The following LRRTM3 variants were observed in gnomAD, a reference collection of about 807,000 sequenced individuals.
The protein encoded by LRRTM3 is leucine rich repeat transmembrane neuronal 3, also known as leucine-rich repeat transmembrane neuronal protein 3.
Under a neutral mutation model 44.7 loss-of-function variants are expected in LRRTM3, and 24 were observed. The observed-to-expected ratio is 0.54, with a 90% CI of 0.39 to 0.76. The LOEUF (loss-of-function observed/expected upper bound fraction) is 0.76. LRRTM3 is among the 30% of genes least tolerant of loss of function. The pLI is 0.00. For synonymous variants in LRRTM3, 277 were observed against 278.7 expected (o/e 0.99, Z 0.06); for missense variants, 587 against 702.2 (o/e 0.84, Z 1.85).
At chr10:67,079,842 C>T (rs1856954067) in intron 2 of LRRTM3, among the ~76,000 whole-genome samples, 1 of 146,628 alleles carries the variant, frequency 6.8e-6, no homozygotes, top group African/African-American at 2.5e-5. Context: ...AGCGAGACTC[C>T]ATCTCAAAAA....
chr10:67,013,607 A>G (rs2133047448), intron 2 of LRRTM3, among the ~76,000 whole-genome samples: 1 of 152,322 alleles, frequency 6.6e-6, no homozygotes, highest in South Asian at 2.1e-4. Context: ...CTATGAGTAC[A>G]GATTACTTCC....
chr10:67,005,355 A>T (rs1445084903), intron 2 of LRRTM3, among the ~76,000 whole-genome samples: 2 of 152,278 alleles, frequency 1.3e-5, no homozygotes, highest in East Asian at 3.9e-4. Flanking sequence ...AATACACTTT[A>T]TCTAAATCAC....
intron 2 of LRRTM3, among the ~76,000 whole-genome samples, chr10:67,015,996 T>C (rs946826566): frequency 6.6e-6 from 1 of 150,730 alleles, no homozygotes; most frequent in Non-Finnish European, 1.5e-5. Flanking sequence ...ACTGAACTCT[T>C]GTTCTGTTTT....
chr10:66,970,368 C>A (rs1312437815), intron 2 of LRRTM3, among the ~76,000 whole-genome samples: 1 of 152,070 alleles, frequency 6.6e-6, no homozygotes, highest in South Asian at 2.1e-4. Context: ...CATACACAGT[C>A]AGCTTCTTCT....
Position 66,926,884 on chromosome 10 carries a change from T to C in LRRTM3, c.5-37T>C, listed in dbSNP as rs756867339. The C allele has an allele frequency of 1.8e-5, 27 of 1,517,746 alleles. No individual in the cohort carries two copies. In the South Asian group the frequency reaches 3.5e-4, roughly 19 times the overall value. The allele number at this position is 1,517,746 out of a possible 1,614,324, so 94.0% of individuals were successfully genotyped here. Reference sequence around the variant, plus strand: ...GCTTGATTAAGGATTAATTCTTTTTTGGGGGGATAACTTTTCTAAGTTGTT... The same window carrying C: ...GCTTGATTAAGGATTAATTCTTTTTCGGGGGGATAACTTTTCTAAGTTGTT... On this transcript the variant is annotated intron_variant, in intron 1 of 2. Coordinates refer to ENST00000361320, the MANE Select transcript of LRRTM3 (RefSeq NM_178011.5).
chr10:67,087,547 TAA>T (rs1857374333), intron 2 of LRRTM3, among the ~76,000 whole-genome samples: 1 of 151,670 alleles, frequency 6.6e-6, no homozygotes, highest in South Asian at 2.1e-4. Context: ...TAAAATAAAA[TAA>T]AGTTTTAAAT....
At chr10:66,991,831 T>C (rs1336631806) in intron 2 of LRRTM3, among the ~76,000 whole-genome samples, 3 of 152,230 alleles carry the variant, frequency 2.0e-5, no homozygotes, top group Non-Finnish European at 4.4e-5. Flanking sequence ...TATGCCAGAA[T>C]AATATCAAAT....
chr10:67,059,824 T>C (rs943699311), intron 2 of LRRTM3, among the ~76,000 whole-genome samples: 19 of 152,194 alleles, frequency 1.2e-4, no homozygotes, highest in African/African-American at 3.6e-4. Flanking sequence ...AATGTATATT[T>C]GCATATATAA....
At chr10:66,973,653 T>C (rs1347373465) in intron 2 of LRRTM3, among the ~76,000 whole-genome samples, 2 of 152,118 alleles carry the variant, frequency 1.3e-5, no homozygotes, top group Admixed American at 6.5e-5. Flanking sequence ...CAAGACGGAG[T>C]CTCACTGTCA....
intron 2 of LRRTM3, among the ~76,000 whole-genome samples, chr10:67,033,263 G>A (rs981065725): frequency 6.6e-6 from 1 of 152,132 alleles, no homozygotes; most frequent in African/African-American, 2.4e-5. Flanking sequence ...TGTTATGTGA[G>A]GGTGCTTTCC....
At chr10:66,975,271 A>G (rs538583606) in intron 2 of LRRTM3, among the ~76,000 whole-genome samples, 15 of 152,220 alleles carry the variant, frequency 9.9e-5, no homozygotes, top group Non-Finnish European at 1.9e-4. Flanking sequence ...GTATTCACAT[A>G]TAATTAATAG....
At chr10:67,031,156 G>A (rs1853702652) in intron 2 of LRRTM3, among the ~76,000 whole-genome samples, 1 of 152,122 alleles carries the variant, frequency 6.6e-6, no homozygotes. Context: ...TAATAAAGTT[G>A]TATTATTCCA....
At chr10:67,067,945 G>A (rs1030331905) in intron 2 of LRRTM3, among the ~76,000 whole-genome samples, 3 of 152,184 alleles carry the variant, frequency 2.0e-5, no homozygotes, top group African/African-American at 7.2e-5. Context: ...GTTGGGTAAA[G>A]GTTTGTCCTG....
chr10:67,019,937 A>G (rs949851778), intron 2 of LRRTM3, among the ~76,000 whole-genome samples: 1 of 152,222 alleles, frequency 6.6e-6, no homozygotes, highest in Non-Finnish European at 1.5e-5. Flanking sequence ...TTATGAAATA[A>G]GAACGTCACT....
At chr10:67,055,236 T>C (rs1855351377) in intron 2 of LRRTM3, among the ~76,000 whole-genome samples, 1 of 152,202 alleles carries the variant, frequency 6.6e-6, no homozygotes, top group Non-Finnish European at 1.5e-5. Context: ...AAGTTTGTTT[T>C]TTATCCCTTC....
At chr10:67,062,338 T>G (rs1211406548) in intron 2 of LRRTM3, among the ~76,000 whole-genome samples, 1 of 152,204 alleles carries the variant, frequency 6.6e-6, no homozygotes, top group Non-Finnish European at 1.5e-5. Context: ...CTTCTGTACA[T>G]GCCAGCAGTG....
At chr10:66,935,306 T>G (rs771862843) in intron 2 of LRRTM3, among the ~76,000 whole-genome samples, 2 of 152,090 alleles carry the variant, frequency 1.3e-5, no homozygotes, top group Non-Finnish European at 2.9e-5. Context: ...CTCTCTAAGG[T>G]ACAACAGTGA....
chr10:66,979,096 C>G (rs1850258686), intron 2 of LRRTM3, among the ~76,000 whole-genome samples: 1 of 150,800 alleles, frequency 6.6e-6, no homozygotes, highest in Admixed American at 6.7e-5. Flanking sequence ...TCCTGAGTAG[C>G]TGGGATTACA....
intron 2 of LRRTM3, among the ~76,000 whole-genome samples, chr10:66,981,080 T>C (rs759652285): frequency 1.6e-4 from 25 of 152,076 alleles, no homozygotes; most frequent in Non-Finnish European, 3.1e-4. Flanking sequence ...TAATTTTGTA[T>C]TTTTACTAGA....
Sources: allele counts gnomAD v4.1 joint callset (sites outside exome capture counted in the v4.1 genomes callset), GRCh38; gene constraint gnomAD v4.1.1; transcripts MANE v1.5; gene names NCBI Gene and HGNC (gene_info 2026-07-23, HGNC 2026-07-21).